The following MALRD1 variants were observed in gnomAD, a reference collection of about 807,000 sequenced individuals.
MALRD1 encodes the protein MAM and LDL receptor class A domain containing 1.
MALRD1 carries 247 observed loss-of-function variants against 242.1 expected under a neutral mutation model. The ratio of observed to expected loss-of-function variants is 1.02; its 90% CI spans 0.92 to 1.13. The LOEUF (loss-of-function observed/expected upper bound fraction) is 1.13. Among genes scored for constraint, MALRD1 ranks in the 50% most tolerant of loss-of-function variants. The pLI, the probability that MALRD1 is intolerant of heterozygous loss-of-function variation, is 0.00. For missense variants in MALRD1, 2,989 were observed against 2,533.1 expected (o/e 1.18, Z -3.86); for synonymous variants, 995 against 866.6 (o/e 1.15, Z -2.60).
rs77994158 is a variant in MALRD1 at position 19,371,240 on chromosome 10, C to A, written c.4442-16288C>A. ...CTTTAGCCTGGGCAACCCAGTGAGA[C>A]CCTGTCTCTTAAAAAACAAAAGAAA... On this transcript the variant is annotated intron_variant, in intron 26 of 39. Transcript: ENST00000454679. Among the ~76,000 whole-genome samples the A allele has an allele frequency of 2.4e-3, 364 of 152,036 alleles. 3 individuals are homozygous for A. The highest frequency in any genetic ancestry group is 8.2e-3 in the African/African-American group (341 of 41,492).
chr10:19,524,985 C>A (rs1484779272), intron 31 of MALRD1, among the ~76,000 whole-genome samples: 7 of 151,910 alleles, frequency 4.6e-5, no homozygotes, highest in Non-Finnish European at 8.8e-5. Flanking sequence ...CTTACTGCAA[C>A]CTCCCGCCTC....
At chr10:19,462,642 CATG>C (rs1836003666) in intron 29 of MALRD1, among the ~76,000 whole-genome samples, 1 of 152,212 alleles carries the variant, frequency 6.6e-6, no homozygotes, top group Admixed American at 6.5e-5. Flanking sequence ...ATTCTTAGAA[CATG>C]ATATTTTGCA....
At chr10:19,339,448 T>C (rs1285481135) in intron 24 of MALRD1, among the ~76,000 whole-genome samples, 1 of 152,188 alleles carries the variant, frequency 6.6e-6, no homozygotes, top group East Asian at 1.9e-4. Context: ...GTTATATACA[T>C]ATTCAGCTTT....
chr10:19,125,318 CTTCCTTCTTTCTTTCTTTCT>C (rs1344869061), intron 7 of MALRD1, among the ~76,000 whole-genome samples: 21 of 80,164 alleles, frequency 2.6e-4, no homozygotes, highest in African/African-American at 7.5e-4. Context: ...TCCTTCCTTC[CTTCCTTCTTTCTTTCTTTCT>C]TTCTTTCTTT....
chr10:19,459,452 G>T (rs1038610183), intron 29 of MALRD1, among the ~76,000 whole-genome samples: 11 of 152,024 alleles, frequency 7.2e-5, no homozygotes, highest in Non-Finnish European at 1.5e-4. Context: ...TCATTGCCAT[G>T]ATCAACTAAC....
intron 30 of MALRD1, among the ~76,000 whole-genome samples, chr10:19,494,057 A>G (rs929507246): frequency 2.0e-5 from 3 of 152,124 alleles, no homozygotes; most frequent in Non-Finnish European, 4.4e-5. Context: ...GAGGGAGCAC[A>G]GCTGCAACTG....
chr10:19,354,941 G>A (rs368444176), intron 26 of MALRD1, among the ~76,000 whole-genome samples: 26 of 152,196 alleles, frequency 1.7e-4, no homozygotes, highest in African/African-American at 6.0e-4. Context: ...GCAGAAAAAC[G>A]TTTATGAGGT....
At chr10:19,288,779 A>G (rs989432769) in intron 21 of MALRD1, among the ~76,000 whole-genome samples, 2 of 152,078 alleles carry the variant, frequency 1.3e-5, no homozygotes, top group African/African-American at 4.8e-5. Context: ...CAAAATCTTT[A>G]TGCCCTTACA....
chr10:19,379,867 G>A (rs189374715), intron 26 of MALRD1, among the ~76,000 whole-genome samples: 1 of 151,956 alleles, frequency 6.6e-6, no homozygotes, highest in Non-Finnish European at 1.5e-5. Flanking sequence ...GAAGGGTGGT[G>A]ATACTTCCAA....
At chr10:19,668,572 C>G (rs1261276190) in intron 36 of MALRD1, among the ~76,000 whole-genome samples, 2 of 152,004 alleles carry the variant, frequency 1.3e-5, no homozygotes, top group Admixed American at 1.3e-4. Flanking sequence ...AAAAATATAA[C>G]CCTGATGAAA....
At chr10:19,372,253 G>A (rs1350067353) in intron 26 of MALRD1, among the ~76,000 whole-genome samples, 1 of 152,038 alleles carries the variant, frequency 6.6e-6, no homozygotes, top group African/African-American at 2.4e-5. Context: ...TTGGATTGTT[G>A]AGGGGAGAAT....
chr10:19,684,941 A>G (rs576749402), intron 36 of MALRD1, among the ~76,000 whole-genome samples: 6 of 152,358 alleles, frequency 3.9e-5, no homozygotes, highest in African/African-American at 1.4e-4. Context: ...ACTATGATAC[A>G]GAATTAGTAA....
At chr10:19,555,329 C>T (rs1835672144) in intron 32 of MALRD1, among the ~76,000 whole-genome samples, 1 of 152,084 alleles carries the variant, frequency 6.6e-6, no homozygotes, top group Non-Finnish European at 1.5e-5. Context: ...AACATCTAAA[C>T]CCCATCAAAA....
At chr10:19,407,584 T>G (rs73593902) in intron 28 of MALRD1, among the ~76,000 whole-genome samples, 6,067 of 151,996 alleles carry the variant, frequency 0.04, 196 homozygotes, top group African/African-American at 0.087. Flanking sequence ...TAAGAGGAAA[T>G]AGAAAAGGCA....
chr10:19,415,600 A>G (rs1030181029), intron 28 of MALRD1, among the ~76,000 whole-genome samples: 12 of 152,336 alleles, frequency 7.9e-5, no homozygotes, highest in Admixed American at 6.5e-4. Flanking sequence ...TCAAATTATC[A>G]GATTATTTTA....
chr10:19,145,115 C>T (rs1001432824), intron 10 of MALRD1, among the ~76,000 whole-genome samples: 5 of 152,078 alleles, frequency 3.3e-5, no homozygotes, highest in African/African-American at 7.2e-5. Context: ...TTTAGGAAAA[C>T]GAAATTTAAG....
chr10:19,589,026 A>G (rs1162628466), intron 33 of MALRD1, among the ~76,000 whole-genome samples: 3 of 152,228 alleles, frequency 2.0e-5, no homozygotes, highest in African/African-American at 7.2e-5. Context: ...TGCACAATAA[A>G]GACAAGGGTA....
chr10:19,227,918 C>A (rs1837870514), intron 18 of MALRD1, among the ~76,000 whole-genome samples: 1 of 152,100 alleles, frequency 6.6e-6, no homozygotes, highest in African/African-American at 2.4e-5. Flanking sequence ...CATTGAGATA[C>A]CACTGTACAC....
chr10:19,475,428 A>G (rs1836687202), intron 29 of MALRD1, among the ~76,000 whole-genome samples: 1 of 152,152 alleles, frequency 6.6e-6, no homozygotes, highest in South Asian at 2.1e-4. Flanking sequence ...AAATAATAAT[A>G]ATAAACTTTC....
Sources: allele counts gnomAD v4.1 joint callset (sites outside exome capture counted in the v4.1 genomes callset), GRCh38; gene constraint gnomAD v4.1.1; transcripts MANE v1.5; gene names NCBI Gene and HGNC (gene_info 2026-07-23, HGNC 2026-07-21).